The following EIF2AK3 variants were observed in gnomAD, a reference collection of about 807,000 sequenced individuals.
The protein encoded by EIF2AK3 is eukaryotic translation initiation factor 2-alpha kinase 3.
In EIF2AK3, 50 loss-of-function variants were observed where a neutral mutation model predicts 113.5. That is an observed-to-expected ratio of 0.44 (90% CI 0.35 to 0.56). The LOEUF is 0.56. Ranked by LOEUF, EIF2AK3 falls within the 20% of genes least tolerant of loss-of-function variation. The pLI is 0.00. For synonymous variants in EIF2AK3, 448 were observed against 495.4 expected, an observed-to-expected ratio of 0.90 and a Z score of 1.27; for missense variants, 1,185 against 1,378.0, an observed-to-expected ratio of 0.86 and a Z score of 2.22.
At chr2:88,592,437 T>G (rs547129761) in intron 4 of EIF2AK3, among the ~76,000 whole-genome samples, 1 of 152,326 alleles carries the variant, frequency 6.6e-6, no homozygotes, top group Non-Finnish European at 1.5e-5. Context: ...TCTTTCTGTA[T>G]TCAAAGAACT....
At chr2:88,604,678 C>T (rs1471557560) in intron 2 of EIF2AK3, among the ~76,000 whole-genome samples, 2 of 152,166 alleles carry the variant, frequency 1.3e-5, no homozygotes, top group African/African-American at 2.4e-5. Flanking sequence ...CCTGCAATCC[C>T]GCAATGCTGA....
In EIF2AK3 at chr2:88,574,750, CCTCT is replaced by C; in HGVS notation, c.2729_2732del (p.Glu910GlyfsTer23). 4 of 1,614,120 alleles carry C rather than the reference CCTCT, an allele frequency of 2.5e-6. No homozygotes were observed. Among genetic ancestry groups the C allele is most frequent in the Non-Finnish European group, 3.4e-6 (4 of 1,180,006 alleles). The stretch of plus-strand genomic sequence containing the variant: ...GCAGGAAGATGTGCAGACACACGCT[CCTCT>C]CTCTCTCCTCTATGGTACATCGTCC... On this transcript the variant is annotated frameshift_variant, in exon 13 of 17. Transcript: ENST00000303236. LOFTEE classifies it high-confidence loss of function.
chr2:88,581,178 A>G (rs551869326), intron 10 of EIF2AK3, among the ~76,000 whole-genome samples: 1 of 152,012 alleles, frequency 6.6e-6, no homozygotes, highest in East Asian at 1.9e-4. Flanking sequence ...TGTCGCCACT[A>G]AAAAACATTA....
chr2:88,572,281 T>C (rs1425331572), intron 13 of EIF2AK3, among the ~76,000 whole-genome samples: 1 of 152,190 alleles, frequency 6.6e-6, no homozygotes, highest in Non-Finnish European at 1.5e-5. Context: ...AACCCTATAA[T>C]AGACAAGCTT....
At chr2:88,608,953 A>G (rs924188810) in intron 2 of EIF2AK3, among the ~76,000 whole-genome samples, 9 of 147,052 alleles carry the variant, frequency 6.1e-5, no homozygotes, top group African/African-American at 2.3e-4. Context: ...AGGCTGGTCT[A>G]GAACTCTTGA....
intron 1 of EIF2AK3, among the ~76,000 whole-genome samples, chr2:88,617,230 C>T (rs1020200221): frequency 6.6e-6 from 1 of 152,096 alleles, no homozygotes; most frequent in African/African-American, 2.4e-5. Context: ...AGCAAAGACA[C>T]GGAATCAGTC....
At position 88,574,954 on chromosome 2, in the gene EIF2AK3, G is replaced by A. The variant is rs1674414988; in HGVS notation, c.2529C>T (p.Thr843=). The A allele has an allele frequency of 2.5e-6, 4 of 1,614,090 alleles. No homozygotes were observed. The Admixed American group carries it at 6.7e-5, about 27-fold the overall frequency. The change falls in exon 13 of 17, where the codon ACC becomes ACT. Residue 843 remains threonine (T), a synonymous_variant. Coordinates refer to ENST00000303236, the MANE Select transcript of EIF2AK3 (RefSeq NM_004836.7). Reference sequence around the variant, plus strand: ...TAGCTTCAGAAGAAGATTTGCTACTGGTGGGCTTGAAAGCAGTTAGTTTAT... The same window carrying A: ...TAGCTTCAGAAGAAGATTTGCTACTAGTGGGCTTGAAAGCAGTTAGTTTAT... ...CANKLTAFKP[T]SSKSSSEATL...
chr2:88,581,455 CACAA>C (rs1220672376), intron 10 of EIF2AK3, among the ~76,000 whole-genome samples: 3 of 152,150 alleles, frequency 2.0e-5, no homozygotes, highest in Non-Finnish European at 2.9e-5. Flanking sequence ...CCTAGATCAT[CACAA>C]ACAGATTTAG....
intron 2 of EIF2AK3, among the ~76,000 whole-genome samples, chr2:88,611,199 A>G (rs1156276251): frequency 6.6e-6 from 1 of 152,194 alleles, no homozygotes; most frequent in African/African-American, 2.4e-5. Flanking sequence ...CAGTCAGGCA[A>G]TCTCGGGCTC....
intron 1 of EIF2AK3, among the ~76,000 whole-genome samples, chr2:88,623,593 A>C (rs990230613): frequency 6.6e-6 from 1 of 152,224 alleles, no homozygotes; most frequent in African/African-American, 2.4e-5. Flanking sequence ...AGCTGTTCAT[A>C]GTAAACGCTT....
chr2:88,575,222 G>C lies in EIF2AK3; in HGVS notation c.2261C>G (p.Ser754Ter), dbSNP rs762335106. Reference sequence around the variant, plus strand: ...CTGGAGGTTGTATGCTGCATCCACTGACTCACTGATGTCCTCATGGTCCAT... The same window carrying C: ...CTGGAGGTTGTATGCTGCATCCACTCACTCACTGATGTCCTCATGGTCCAT... Reference protein sequence around the residue: ...SGMDHEDISESVDAAYNLQDS... With the variant: ...SGMDHEDISE The change falls in exon 13 of 17, where the codon TCA (serine) becomes TGA (stop). Residue 754 changes from serine to a stop codon, truncating the protein, a stop_gained. Coordinates refer to ENST00000303236, the MANE Select transcript of EIF2AK3 (RefSeq NM_004836.7). LOFTEE classifies it high-confidence loss of function. 1 of 1,612,836 alleles carries C rather than the reference G, an allele frequency of 6.2e-7. No homozygotes were observed. The highest frequency in any genetic ancestry group is 1.7e-5 in the Admixed American group (1 of 59,936).
In EIF2AK3 at chr2:88,575,313, C is replaced by CT. The variant is rs1348350918; in HGVS notation, c.2169dup (p.Val724SerfsTer6). On this transcript the variant is annotated frameshift_variant, in exon 13 of 17. Transcript: ENST00000303236. LOFTEE classifies it high-confidence loss of function. ...CTTGTCTGGTCACAGGAAATCCCTACTGAAAAAGACCTGCTTCTTTGTGGT... is the reference window on the plus strand; with the variant it reads ...CTTGTCTGGTCACAGGAAATCCCTACTTGAAAAAGACCTGCTTCTTTGTGGT... 1 of 1,614,090 alleles carries CT rather than the reference C, an allele frequency of 6.2e-7. No homozygotes were observed. Among genetic ancestry groups the CT allele is most frequent in the African/African-American group, 1.3e-5 (1 of 74,938 alleles).
intron 2 of EIF2AK3, among the ~76,000 whole-genome samples, chr2:88,608,295 G>A (rs1675338945): frequency 6.6e-6 from 1 of 151,998 alleles, no homozygotes; most frequent in African/African-American, 2.4e-5. Context: ...TCAAACTCCT[G>A]GGCTCAACTG....
In EIF2AK3 at chr2:88,586,030, C is replaced by T. The variant is rs1266593763; in HGVS notation, c.1461G>A (p.Arg487=). The T allele has an allele frequency of 1.2e-6, 2 of 1,613,884 alleles. No homozygotes were observed. The highest frequency in any genetic ancestry group is 1.3e-5 in the African/African-American group (1 of 74,888). The change falls in exon 9 of 17, where the codon AGG becomes AGA. Residue 487 remains arginine, a synonymous_variant. Transcript: ENST00000303236. ...TCTGTGTGCTTCGTTTGTTCCTCTC[C>T]CTCTTGTAGTATGGTAGATAATAAC... is the stretch of plus-strand genomic sequence containing the variant. ...DNGYYLPYYK[R]ERNKRSTQIT...
intron 2 of EIF2AK3, among the ~76,000 whole-genome samples, chr2:88,600,272 G>T (rs1675118574): frequency 6.6e-6 from 1 of 152,164 alleles, no homozygotes; most frequent in African/African-American, 2.4e-5. Context: ...TATGCATGCA[G>T]TTCAGGTACA....
At chr2:88,606,524 C>T (rs552880214) in intron 2 of EIF2AK3, among the ~76,000 whole-genome samples, 3 of 152,278 alleles carry the variant, frequency 2.0e-5, no homozygotes, top group Admixed American at 6.5e-5. Context: ...TGATTGACAG[C>T]TATGCTTCAA....
rs969486806 is a variant in EIF2AK3, at chr2:88,576,480, A to G, written c.2036+74T>C. ...CTTTTCTTTAAAAAAAAAAATCCCTAAAGTTATAAAACTGACATTGTAATC... is the reference window on the plus strand; with the variant it reads ...CTTTTCTTTAAAAAAAAAAATCCCTGAAGTTATAAAACTGACATTGTAATC... On this transcript the variant is annotated intron_variant, in intron 12 of 16. Coordinates refer to ENST00000303236, the MANE Select transcript of EIF2AK3 (RefSeq NM_004836.7). The G allele has an allele frequency of 6.9e-6, 11 of 1,592,048 alleles. No homozygotes were observed. In the Admixed American group the frequency reaches 8.7e-5, roughly 13 times the overall value.
At chr2:88,582,043 C>A (rs1213599177) in intron 10 of EIF2AK3, among the ~76,000 whole-genome samples, 1 of 152,166 alleles carries the variant, frequency 6.6e-6, no homozygotes, top group Non-Finnish European at 1.5e-5. Context: ...CATCACCCAC[C>A]ATTACCACCT....
intron 2 of EIF2AK3, among the ~76,000 whole-genome samples, chr2:88,601,834 C>CTTTTTTTTTTTTTTTTTTTTTTTTT (rs59987968): frequency 8.0e-5 from 6 of 74,858 alleles, no homozygotes; most frequent in African/African-American, 2.1e-4. Flanking sequence ...TAAGATTTTT[C>CTTTTTTTTTTTTTTTTTTTTTTTTT]TTTTTTTTTT....
Sources: allele counts gnomAD v4.1 joint callset (sites outside exome capture counted in the v4.1 genomes callset), GRCh38; gene constraint gnomAD v4.1.1; transcripts MANE v1.5; gene names NCBI Gene and HGNC (gene_info 2026-07-23, HGNC 2026-07-21).